ZNF558: variants seen among roughly 807,000 people sequenced by gnomAD.
ZNF558 encodes the protein zinc finger protein 558.
ZNF558 carries 23 observed loss-of-function variants against 37.6 expected under a neutral mutation model. That is an observed-to-expected ratio of 0.61 (90% CI 0.44 to 0.87). ZNF558 has a LOEUF of 0.87. Among genes scored for constraint, ZNF558 ranks in the 40% least tolerant of loss-of-function variants. The pLI, the probability that ZNF558 is intolerant of heterozygous loss-of-function variation, is 0.00. For missense variants in ZNF558, 429 were observed against 483.7 expected (o/e 0.89, Z 1.06); for synonymous variants, 189 against 174.4 (o/e 1.08, Z -0.66).
At chr19:8,834,646 A>C (rs553678121), upstream of ZNF558, among the ~76,000 whole-genome samples, 4 of 151,950 alleles carry the variant, frequency 2.6e-5, no homozygotes, top group East Asian at 7.7e-4. Flanking sequence ...AACAAAAAAA[A>C]AACCAACCAA....
At chr19:8,827,571 CTT>C (rs386388513) in intron 2 of ZNF558, among the ~76,000 whole-genome samples, 15 of 94,098 alleles carry the variant, frequency 1.6e-4, no homozygotes, top group African/African-American at 3.7e-4. Context: ...TTTCCCTATT[CTT>C]TTTTTTTTTT....
In ZNF558 at chr19:8,809,862, C is replaced by T. The variant is rs1343013401; in HGVS notation, c.*1419G>A. 2 of 152,178 alleles carry T rather than the reference C, an allele frequency of 1.3e-5. No homozygotes were observed. The highest frequency in any genetic ancestry group is 1.5e-5 in the Non-Finnish European group (1 of 68,036). 9.4% of individuals were successfully genotyped at this position (152,178 alleles called of 1,614,324 possible). A position where few individuals can be genotyped will look rare whatever the true frequency, so the allele number is the denominator to read the frequency against. ...TCCCACACTCAAAACAGTGATTATA[C>T]TTTTTGTTCCCAGTGAAAATTGTGG... On this transcript the variant is annotated 3_prime_UTR_variant, in exon 10 of 10. Coordinates refer to ENST00000601372, the MANE Select transcript of ZNF558 (RefSeq NM_144693.3).
chr19:8,824,058 C>G (rs915421675), intron 4 of ZNF558, 24 bp downstream of exon 4: 1 of 152,466 alleles, frequency 6.6e-6, no homozygotes, highest in South Asian at 2.1e-4. Context: ...GTAGGCCCGA[C>G]GCACACACGG....
At chr19:8,814,003 G>A (rs1252184317) in intron 7 of ZNF558, among the ~76,000 whole-genome samples, 1 of 152,218 alleles carries the variant, frequency 6.6e-6, no homozygotes, top group African/African-American at 2.4e-5. Context: ...TGACAGTGGT[G>A]GAGGACGGAA....
upstream of ZNF558, chr19:8,832,524 T>TAAGGTTGGCCCTGGGGGCGGGGCC (rs1470243391): frequency 1.3e-5 from 2 of 151,874 alleles, no homozygotes; most frequent in East Asian, 1.9e-4. Flanking sequence ...GTAGCGGGGG[T>TAAGGTTGGCCCTGGGGGCGGGGCC]AAGGTTGGCC....
Position 8,811,376 on chromosome 19 carries a change from C to T in ZNF558, c.1114G>A (p.Gly372Arg), listed in dbSNP as rs782158441. Reference protein sequence around the residue: ...AVKKHLRTHTGEKPYECNHCG... With the variant: ...AVKKHLRTHTREKPYECNHCG... Reference sequence around the variant, plus strand: ...TGATTACATTCATAGGGTTTTTCTCCAGTGTGAGTTCTTAAGTGTTTCTTC... The same window carrying T: ...TGATTACATTCATAGGGTTTTTCTCTAGTGTGAGTTCTTAAGTGTTTCTTC... Residue 372 changes from glycine (G) to arginine (R), a missense_variant, in exon 10 of 10, where the codon GGA becomes AGA. Transcript: ENST00000601372. 10 of 1,613,714 alleles carry T rather than the reference C, an allele frequency of 6.2e-6. No individual in the cohort carries two copies. The highest frequency in any genetic ancestry group is 8.5e-6 in the Non-Finnish European group (10 of 1,179,916).
In ZNF558 at chr19:8,813,028, A is replaced by C; in HGVS notation, c.343+99T>G. On this transcript the variant is annotated intron_variant, in intron 8 of 9. Transcript: ENST00000601372. The stretch of plus-strand genomic sequence containing the variant: ...GTTTGTCAGGAACAGGGTATTTTAC[A>C]AAGTTCCCTGATTGACATGAACTAA... The C allele has an allele frequency of 4.3e-6, 4 of 928,820 alleles. No individual in the cohort carries two copies. The South Asian group carries it at 6.0e-5, about 14-fold the overall frequency. The allele number at this position is 928,820 out of a possible 1,614,324, so 57.5% of individuals were successfully genotyped here.
At chr19:8,825,981 G>A (rs1186173838) in intron 2 of ZNF558, among the ~76,000 whole-genome samples, 1 of 152,194 alleles carries the variant, frequency 6.6e-6, no homozygotes, top group East Asian at 1.9e-4. Flanking sequence ...AGGAGGGTCA[G>A]TTCAAAGAAG....
At position 8,813,188 on chromosome 19, in the gene ZNF558, C is replaced by A. The variant is rs1555769011; in HGVS notation, c.282G>T (p.Gln94His). ...TCACCACCTTCTTGTCTTGTTCCAA[C>A]TGGGATATCAGACTGGGTTTATTAA... ...CRVNKPSLIS[Q>H]LEQDKKVVTE... Residue 94 changes from glutamine (Q) to histidine (H), a missense_variant, in exon 8 of 10, where the codon CAG becomes CAT. Gln to His is a conservative substitution (Grantham distance 24, BLOSUM62 0). Coordinates refer to ENST00000601372, the MANE Select transcript of ZNF558 (RefSeq NM_144693.3). 1 of 1,599,868 alleles carries A rather than the reference C, an allele frequency of 6.3e-7. No individual in the cohort carries two copies.
chr19:8,827,743 T>G (rs2044265319), intron 2 of ZNF558, among the ~76,000 whole-genome samples: 1 of 151,926 alleles, frequency 6.6e-6, no homozygotes, highest in Admixed American at 6.6e-5. Flanking sequence ...CCAGCTAATT[T>G]TCGTATTTTT....
intron 4 of ZNF558, among the ~76,000 whole-genome samples, chr19:8,823,055 C>G (rs2044134387): frequency 6.6e-6 from 1 of 152,042 alleles, no homozygotes; most frequent in African/African-American, 2.4e-5. Flanking sequence ...ACTCCGGCGC[C>G]TCCATAACTC....
intron 7 of ZNF558, among the ~76,000 whole-genome samples, chr19:8,814,153 G>C (rs1406026905): frequency 1.3e-5 from 2 of 152,172 alleles, no homozygotes; most frequent in African/African-American, 4.8e-5. Flanking sequence ...AGCTGAATCT[G>C]GGTAAGAGAG....
chr19:8,821,165 T>C lies in ZNF558; in HGVS notation c.247+15A>G, dbSNP rs975649161. On this transcript the variant is annotated intron_variant, in intron 7 of 9. Transcript: ENST00000601372. Reference sequence around the variant, plus strand: ...TGGAGTCATTAAATAAATGCAGGAATGACATTAGGCTTACCTAGTGAGGCC... The same window carrying C: ...TGGAGTCATTAAATAAATGCAGGAACGACATTAGGCTTACCTAGTGAGGCC... 6.2e-7 allele frequency: 1 copy of C among 1,610,852 alleles called. No homozygotes were observed. The highest frequency in any genetic ancestry group is 8.5e-7 in the Non-Finnish European group (1 of 1,177,720).
chr19:8,813,170 C>T lies in ZNF558; in HGVS notation c.300G>A (p.Lys100=). 6.3e-7 allele frequency: 1 copy of T among 1,599,980 alleles called. No homozygotes were observed. The highest frequency in any genetic ancestry group is 1.7e-5 in the Admixed American group (1 of 57,992). The part of the protein sequence containing the change: ...SLISQLEQDK[K]VVTEERGILP... ...GAATTCCTCTTTCCTCTGTCACCAC[C>T]TTCTTGTCTTGTTCCAACTGGGATA... Residue 100 remains lysine (K), a synonymous_variant, in exon 8 of 10, where the codon AAG becomes AAA. Coordinates refer to ENST00000601372, the MANE Select transcript of ZNF558 (RefSeq NM_144693.3).
At chr19:8,830,155 T>G (rs1199685448) in intron 2 of ZNF558, among the ~76,000 whole-genome samples, 1 of 152,144 alleles carries the variant, frequency 6.6e-6, no homozygotes, top group Non-Finnish European at 1.5e-5. Context: ...GTCTTCTCTC[T>G]CTCTCCTGCT....
Position 8,808,481 on chromosome 19 carries a change from A to T in ZNF558, c.*2800T>A, listed in dbSNP as rs1337110202. 2.6e-5 allele frequency: 4 copies of T among 152,234 alleles called. No individual in the cohort carries two copies. The highest frequency in any genetic ancestry group is 6.5e-5 in the Admixed American group (1 of 15,280). 9.4% of individuals were successfully genotyped at this position (152,234 alleles called of 1,614,324 possible). A position where few individuals can be genotyped will look rare whatever the true frequency, so the allele number is the denominator to read the frequency against. ...AAAATGACAAAATTACAGTGTTAATACATAAACATAATGGAAGAGTTTACC... is the reference window on the plus strand; with the variant it reads ...AAAATGACAAAATTACAGTGTTAATTCATAAACATAATGGAAGAGTTTACC... On this transcript the variant is annotated 3_prime_UTR_variant, in exon 10 of 10. Transcript: ENST00000601372.
chr19:8,823,893 A>T (rs1325156152), intron 4 of ZNF558, 189 bp downstream of exon 4: 1 of 152,392 alleles, frequency 6.6e-6, no homozygotes, highest in South Asian at 2.1e-4. Flanking sequence ...GAGAACCCTC[A>T]GCCTGCAGGG....
In ZNF558 at chr19:8,811,754, G is replaced by A. The variant is rs199804962; in HGVS notation, c.736C>T (p.Arg246Cys). Residue 246 changes from arginine (R) to cysteine (C), a missense_variant, in exon 10 of 10, where the codon CGC becomes TGC. Transcript: ENST00000601372. The part of the protein sequence containing the change: ...YECNQCFHVF[R>C]TSCNLKSHKR... ...TGGCTTTTGAGGTTACAACTGGTGC[G>A]GAAAACGTGAAAACACTGGTTACAT... The A allele has an allele frequency of 3.6e-5, 58 of 1,613,350 alleles. No homozygotes were observed. Among genetic ancestry groups the A allele is most frequent in the Middle Eastern group, 1.7e-4 (1 of 6,054 alleles).
At chr19:8,816,032 G>A (rs1397879409) in intron 7 of ZNF558, among the ~76,000 whole-genome samples, 1 of 145,988 alleles carries the variant, frequency 6.8e-6, no homozygotes, top group Non-Finnish European at 1.5e-5. Context: ...GAATAAATTT[G>A]AAAAAATAGA....
Sources: gnomAD v4.1 joint callset for allele counts (sites outside exome capture counted in the v4.1 genomes callset) on GRCh38, gnomAD v4.1.1 for gene constraint, MANE v1.5 for transcripts, NCBI Gene and HGNC (gene_info 2026-07-23, HGNC 2026-07-21) for gene names.